FBXO31: variants seen among roughly 807,000 people sequenced by gnomAD.
FBXO31 encodes F-box protein 31.
Under a neutral mutation model 54.4 loss-of-function variants are expected in FBXO31, and 24 were observed. That is an observed-to-expected ratio of 0.44 (90% CI 0.32 to 0.62). The LOEUF (loss-of-function observed/expected upper bound fraction) is 0.62. Ranked by LOEUF, FBXO31 falls within the 20% of genes least tolerant of loss-of-function variation. FBXO31 has a pLI of 0.05. For missense variants in FBXO31, 665 were observed against 787.1 expected, an observed-to-expected ratio of 0.84 and a Z score of 1.86; for synonymous variants, 388 against 335.6, an observed-to-expected ratio of 1.16 and a Z score of -1.71.
chr16:87,381,918 G>A (rs1312907745), intron 1 of FBXO31, among the ~76,000 whole-genome samples: 1 of 151,978 alleles, frequency 6.6e-6, no homozygotes, highest in Admixed American at 6.6e-5. Flanking sequence ...CAGCTACTTG[G>A]AGGCTGATGC....
rs1404551470 is a variant in FBXO31, at chr16:87,327,001, G to A, written c.*4287C>T. 2.6e-5 allele frequency: 4 copies of A among 152,424 alleles called. No homozygotes were observed. In the East Asian group the frequency reaches 7.7e-4, roughly 29 times the overall value. 9.4% of individuals were successfully genotyped at this position (152,424 alleles called of 1,614,324 possible). On this transcript the variant is annotated 3_prime_UTR_variant, in exon 9 of 9. Transcript: ENST00000311635. The stretch of plus-strand genomic sequence containing the variant: ...AACACACAACAAGCCTTCAAAAACG[G>A]ATTTACTTGAAACTGTGAGGAGAAA...
intron 1 of FBXO31, among the ~76,000 whole-genome samples, chr16:87,365,010 A>ATATATATATATATATATAT (rs1906293303): frequency 8.4e-5 from 4 of 47,684 alleles, no homozygotes; most frequent in African/African-American, 2.0e-4. Flanking sequence ...CCGTCTCTTA[A>ATATATATATATATATATAT]ATATATATAT....
chr16:87,353,394 C>T (rs1037360746), intron 2 of FBXO31, among the ~76,000 whole-genome samples: 3 of 152,224 alleles, frequency 2.0e-5, no homozygotes, highest in Admixed American at 1.3e-4. Flanking sequence ...ATTCACGTCC[C>T]CTAGAACCTC....
intron 7 of FBXO31, among the ~76,000 whole-genome samples, chr16:87,334,913 G>C (rs565162797): frequency 6.6e-6 from 1 of 152,344 alleles, no homozygotes; most frequent in South Asian, 2.1e-4. Flanking sequence ...GGTGGGAGCT[G>C]TCTGCAAGCA....
intron 1 of FBXO31, among the ~76,000 whole-genome samples, chr16:87,366,405 G>A (rs1221160131): frequency 6.6e-6 from 1 of 152,160 alleles, no homozygotes; most frequent in Non-Finnish European, 1.5e-5. Flanking sequence ...CCTCCTAGGA[G>A]GCAACACCCA....
intron 1 of FBXO31, chr16:87,362,581 G>C (rs1906184948): frequency 6.6e-6 from 1 of 152,218 alleles, no homozygotes; most frequent in Non-Finnish European, 1.5e-5. Context: ...TGGATGGATG[G>C]ATGGAGTCTC....
At chr16:87,368,517 C>T (rs137855132) in intron 1 of FBXO31, among the ~76,000 whole-genome samples, 95 of 152,280 alleles carry the variant, frequency 6.2e-4, no homozygotes, top group African/African-American at 2.2e-3. Context: ...CAACTCCAGA[C>T]GGCCAGCACG....
intron 2 of FBXO31, 133 bp from the exon 3 acceptor site, chr16:87,347,383 A>G (rs554985617): frequency 3.1e-5 from 23 of 749,710 alleles, no homozygotes; most frequent in Non-Finnish European, 5.0e-5. Flanking sequence ...ACACATGCAC[A>G]CCAAGCCTCT....
At chr16:87,347,996 G>A (rs1905469283) in intron 2 of FBXO31, among the ~76,000 whole-genome samples, 1 of 152,192 alleles carries the variant, frequency 6.6e-6, no homozygotes, top group African/African-American at 2.4e-5. Flanking sequence ...GCCAGCCAAT[G>A]GTCAGGTCAG....
At chr16:87,365,038 T>TATATATATATATATATATA (rs1031091236) in intron 1 of FBXO31, among the ~76,000 whole-genome samples, 9 of 110,814 alleles carry the variant, frequency 8.1e-5, no homozygotes, top group African/African-American at 3.1e-4. Flanking sequence ...TATATATATA[T>TATATATATATATATATATA]ATCAGGCAGG....
chr16:87,379,829 C>G (rs1377686392), intron 1 of FBXO31, among the ~76,000 whole-genome samples: 1 of 151,652 alleles, frequency 6.6e-6, no homozygotes, highest in African/African-American at 2.4e-5. Flanking sequence ...CTCGGGTGAT[C>G]TGCCCGCCTT....
In FBXO31 at chr16:87,338,146, C is replaced by T. The variant is rs9308347; in HGVS notation, c.733-1882G>A. 0.4 allele frequency among the ~76,000 whole-genome samples: 60,525 copies of T among 151,728 alleles called. 12,736 individuals carry two copies. The highest frequency in any genetic ancestry group is 0.46 in the African/African-American group (19,174 of 41,326). On this transcript the variant is annotated intron_variant, in intron 5 of 8. Coordinates refer to ENST00000311635, the MANE Select transcript of FBXO31 (RefSeq NM_024735.5). This position sits in a 1 kb window ranked among gnomAD's most constrained non-coding sequence, Gnocchi z 4.3. ...ACATAAAGAGGTCCAAGCAACGGGA[C>T]CACCAACCAGACCCTGTTACCCAGA...
chr16:87,350,246 G>A (rs574154909), intron 2 of FBXO31, among the ~76,000 whole-genome samples: 8 of 152,226 alleles, frequency 5.3e-5, no homozygotes, highest in South Asian at 2.1e-4. Context: ...CAAGTAGGTC[G>A]CCACCTGGAT....
At chr16:87,356,628 C>A (rs1025521149) in intron 2 of FBXO31, among the ~76,000 whole-genome samples, 1 of 152,226 alleles carries the variant, frequency 6.6e-6, no homozygotes, top group Non-Finnish European at 1.5e-5. Flanking sequence ...ACCAACTACA[C>A]GAAGGTCCCC....
rs1490935328 is a variant in FBXO31, at chr16:87,378,316, T to C, written c.340+5089A>G. ...TTTAAATGTGCACCCTCACTAGTTA[T>C]CAGGCAAATGCAAAATAAAATGGCA... On this transcript the variant is annotated intron_variant, in intron 1 of 8. Transcript: ENST00000311635. Among the ~76,000 whole-genome samples, 3 of 152,214 alleles carry C rather than the reference T, an allele frequency of 2.0e-5. No homozygotes were observed. The East Asian group carries it at 5.8e-4, about 29-fold the overall frequency.
chr16:87,342,841 G>T (rs753438432), intron 5 of FBXO31, 36 bp downstream of exon 5: 19 of 1,560,860 alleles, frequency 1.2e-5, no homozygotes, highest in Non-Finnish European at 1.6e-5. Flanking sequence ...GGAAAGGTCC[G>T]CACCATATGA....
At position 87,346,322 on chromosome 16, in the gene FBXO31, G is replaced by T. The variant is rs1283800218; in HGVS notation, c.489+852C>A. ...GCAAGTGCCCAGGCGCACAGTGAGG[G>T]GTGGGGGGCATCCAACACGCCTGGA... On this transcript the variant is annotated intron_variant, in intron 3 of 8. Transcript: ENST00000311635. This position sits in a 1 kb window ranked among gnomAD's most constrained non-coding sequence, Gnocchi z 4.2. Among the ~76,000 whole-genome samples, 2 of 152,082 alleles carry T rather than the reference G, an allele frequency of 1.3e-5. No individual in the cohort carries two copies. The highest frequency in any genetic ancestry group is 2.4e-5 in the African/African-American group (1 of 41,354).
intron 1 of FBXO31, among the ~76,000 whole-genome samples, chr16:87,364,743 T>C (rs1306268747): frequency 6.6e-6 from 1 of 151,676 alleles, no homozygotes; most frequent in Non-Finnish European, 1.5e-5. Context: ...TACAAAACAT[T>C]TTATCTGGTG....
intron 2 of FBXO31, among the ~76,000 whole-genome samples, chr16:87,352,928 C>T (rs1011934557): frequency 3.3e-5 from 5 of 152,242 alleles, no homozygotes; most frequent in Non-Finnish European, 5.9e-5. Context: ...CTCAGAGTCC[C>T]TGAACCTTGG....
Sources: allele counts gnomAD v4.1 joint callset (sites outside exome capture counted in the v4.1 genomes callset), GRCh38; gene constraint gnomAD v4.1.1; non-coding constraint Gnocchi (gnomAD v3.1); transcripts MANE v1.5; gene names NCBI Gene and HGNC (gene_info 2026-07-23, HGNC 2026-07-21).